The following WRN variants were observed in gnomAD, a reference collection of about 807,000 sequenced individuals.
The protein encoded by WRN is bifunctional 3'-5' exonuclease/ATP-dependent helicase WRN.
Under a neutral mutation model 180.7 loss-of-function variants are expected in WRN, and 149 were observed. That is an observed-to-expected ratio of 0.82 (90% confidence interval 0.72 to 0.94). The LOEUF (loss-of-function observed/expected upper bound fraction) is 0.94. Ranked by LOEUF, WRN falls within the 40% of genes least tolerant of loss-of-function variation. The pLI is 0.00. For missense variants in WRN, 1,661 were observed against 1,700.1 expected, an observed-to-expected ratio of 0.98 and a Z score of 0.40; for synonymous variants, 548 against 568.9, an observed-to-expected ratio of 0.96 and a Z score of 0.52.
chr8:31,143,535 T>C lies in WRN; in HGVS notation c.3310-15T>C, dbSNP rs1330626720. ...TGAAACTTTTTTTAATGGACCTTTA[T>C]ATGTTTAAATGCAGTCTAACTTGGA... On this transcript the variant is annotated splice_polypyrimidine_tract_variant and intron_variant, in intron 27 of 34. Coordinates refer to ENST00000298139, the MANE Select transcript of WRN (RefSeq NM_000553.6). 1.3e-6 allele frequency: 2 copies of C among 1,546,370 alleles called. No individual in the cohort carries two copies. The highest frequency in any genetic ancestry group is 1.2e-5 in the South Asian group (1 of 85,344).
intron 1 of WRN, among the ~76,000 whole-genome samples, chr8:31,052,681 C>T (rs1812122099): frequency 1.3e-5 from 2 of 152,152 alleles, no homozygotes; most frequent in African/African-American, 4.8e-5. Context: ...GCCACTGCGC[C>T]TTAATTTTTT....
chr8:31,147,185 A>G, intron 29 of WRN, 57 bp downstream of exon 29: 1 of 1,555,234 alleles, frequency 6.4e-7, no homozygotes, highest in African/African-American at 1.4e-5. Flanking sequence ...GATTCTATGT[A>G]TGCTTAAAAT....
Position 31,059,253 on chromosome 8 carries a change from CAGAAGATATT to C in WRN, c.200_209del (p.Glu67AlafsTer2). 1 of 1,612,584 alleles carries C rather than the reference CAGAAGATATT, an allele frequency of 6.2e-7. No homozygotes were observed. Among genetic ancestry groups the C allele is most frequent in the Non-Finnish European group, 8.5e-7 (1 of 1,178,778 alleles). On this transcript the variant is annotated frameshift_variant and splice_region_variant, in exon 3 of 35. Transcript: ENST00000298139. LOFTEE classifies it high-confidence loss of function. ...GATGCTAGTGATTGCTCTTTCCTGT[CAGAAGATATT>C]AGGTAAGTGATTTGAATTTCCTGAT...
chr8:31,095,906 T>A (rs1441170426), intron 16 of WRN, among the ~76,000 whole-genome samples: 1 of 152,174 alleles, frequency 6.6e-6, no homozygotes, highest in African/African-American at 2.4e-5. Flanking sequence ...TTTCAACCCA[T>A]ATGCCTGCTG....
At chr8:31,132,942 A>G (rs988071800) in intron 24 of WRN, among the ~76,000 whole-genome samples, 2 of 152,234 alleles carry the variant, frequency 1.3e-5, no homozygotes, top group African/African-American at 4.8e-5. Flanking sequence ...AATTTCAGTA[A>G]CAATATTTGG....
At chr8:31,121,076 C>T (rs1801707882) in intron 21 of WRN, among the ~76,000 whole-genome samples, 1 of 151,914 alleles carries the variant, frequency 6.6e-6, no homozygotes, top group South Asian at 2.1e-4. Context: ...CACTTAAGTT[C>T]TATGAGATTT....
At chr8:31,086,358 A>G (rs1350158511) in intron 11 of WRN, among the ~76,000 whole-genome samples, 1 of 152,142 alleles carries the variant, frequency 6.6e-6, no homozygotes, top group African/African-American at 2.4e-5. Context: ...GGATCACTTC[A>G]TTCCAGGAGT....
At chr8:31,065,114 A>G (rs1185277296) in intron 5 of WRN, 51 bp downstream of exon 5, 4 of 1,566,084 alleles carry the variant, frequency 2.6e-6, no homozygotes, top group Admixed American at 1.7e-5. Context: ...TTTGTGTTAC[A>G]CAGAATGTAC....
chr8:31,104,700 G>A (rs1456549151), intron 18 of WRN, among the ~76,000 whole-genome samples: 2 of 152,180 alleles, frequency 1.3e-5, no homozygotes, highest in Non-Finnish European at 2.9e-5. Flanking sequence ...TTAAGTCAAG[G>A]TTCATTGTTT....
chr8:31,102,041 G>A (rs1359302357), intron 18 of WRN, among the ~76,000 whole-genome samples: 2 of 151,880 alleles, frequency 1.3e-5, no homozygotes, highest in Admixed American at 6.6e-5. Context: ...TATGACATTT[G>A]TACAGTATCT....
At chr8:31,074,964 T>C (rs1166786623) in intron 7 of WRN, among the ~76,000 whole-genome samples, 1 of 151,970 alleles carries the variant, frequency 6.6e-6, no homozygotes, top group Non-Finnish European at 1.5e-5. Context: ...AGGCTTACAG[T>C]TGTAGTCTGG....
At position 31,173,620 on chromosome 8, in the gene WRN, T is replaced by C; in HGVS notation, c.*518T>C. ...GGGCAGTGAAAATGAAACCGCATTTTGGGTGCCATTAAATAGGGAAAAAAC... is the reference window on the plus strand; with the variant it reads ...GGGCAGTGAAAATGAAACCGCATTTCGGGTGCCATTAAATAGGGAAAAAAC... On this transcript the variant is annotated 3_prime_UTR_variant, in exon 35 of 35. Coordinates refer to ENST00000298139, the MANE Select transcript of WRN (RefSeq NM_000553.6). The C allele has an allele frequency of 5.8e-6, 1 of 172,230 alleles. No homozygotes were observed. Among genetic ancestry groups the C allele is most frequent in the Non-Finnish European group, 1.3e-5 (1 of 79,928 alleles). The allele number at this position is 172,230 out of a possible 1,614,324, so 10.7% of individuals were successfully genotyped here.
At chr8:31,068,868 G>A (rs534477747) in intron 7 of WRN, among the ~76,000 whole-genome samples, 7 of 152,232 alleles carry the variant, frequency 4.6e-5, no homozygotes, top group Admixed American at 6.5e-5. Flanking sequence ...TCCAACCTCA[G>A]TGCTGTTTTT....
chr8:31,172,474 T>C (rs1477175103), intron 34 of WRN, among the ~76,000 whole-genome samples: 1 of 152,224 alleles, frequency 6.6e-6, no homozygotes, highest in East Asian at 1.9e-4. Flanking sequence ...AAGAAACTTT[T>C]ATTTTTTTCA....
rs367782924 is a variant in WRN at position 31,147,884 on chromosome 8, A to ATTTTT, written c.3572+421_3572+425dup. On this transcript the variant is annotated intron_variant, in intron 30 of 34. Transcript: ENST00000298139. ...CTTCGTCTTCCTCTTCTTCTTCTTC[A>ATTTTT]TTTTTTTTTTTTTTTTTGTCTGAAG... Among the ~76,000 whole-genome samples the ATTTTT allele has an allele frequency of 5.8e-4, 74 of 126,882 alleles. 2 individuals carry two copies. The highest frequency in any genetic ancestry group is 1.9e-3 in the African/African-American group (65 of 33,848). 83.2% of individuals were successfully genotyped at this position (126,882 alleles called of 152,430 possible).
chr8:31,130,137 A>G (rs1288903289), intron 23 of WRN, among the ~76,000 whole-genome samples: 1 of 151,426 alleles, frequency 6.6e-6, no homozygotes, highest in Non-Finnish European at 1.5e-5. Flanking sequence ...AGTCTGGGCA[A>G]CATAACGAGA....
intron 16 of WRN, 119 bp downstream of exon 16, chr8:31,092,017 ATCATGTGG>A: frequency 1.1e-6 from 1 of 926,008 alleles, no homozygotes; most frequent in East Asian, 2.6e-5. Context: ...GTCATTTCTA[ATCATGTGG>A]TCAGATGTCT....
intron 34 of WRN, among the ~76,000 whole-genome samples, 178 bp downstream of exon 34, chr8:31,167,408 C>T (rs1803943556): frequency 1.3e-5 from 2 of 151,918 alleles, no homozygotes; most frequent in Admixed American, 1.3e-4. Context: ...AAAAAAAAGA[C>T]AGTAAAAGGG....
chr8:31,067,241 A>G, intron 6 of WRN, 59 bp downstream of exon 6: 1 of 1,586,038 alleles, frequency 6.3e-7, no homozygotes, highest in Non-Finnish European at 8.6e-7. Flanking sequence ...ATTATAAATG[A>G]CTTTAGAAAA....
Sources: allele counts gnomAD v4.1 joint callset (sites outside exome capture counted in the v4.1 genomes callset), GRCh38; gene constraint gnomAD v4.1.1; transcripts MANE v1.5; gene names NCBI Gene and HGNC (gene_info 2026-07-23, HGNC 2026-07-21).